DLC1: variants seen among roughly 807,000 people sequenced by gnomAD.
DLC1 encodes DLC1 Rho GTPase activating protein.
Under a neutral mutation model 140.3 loss-of-function variants are expected in DLC1, and 54 were observed. The observed-to-expected ratio is 0.38, with a 90% CI of 0.31 to 0.48. The LOEUF (loss-of-function observed/expected upper bound fraction) is 0.48. DLC1 is among the 20% of genes least tolerant of loss of function. DLC1 has a pLI of 0.96. For missense variants in DLC1, 2,536 were observed against 1,907.0 expected, an observed-to-expected ratio of 1.33 and a Z score of -6.14; for synonymous variants, 986 against 728.1, an observed-to-expected ratio of 1.35 and a Z score of -5.70.
rs560717996 is a variant in DLC1 at position 13,180,577 on chromosome 8, C to T, written c.1349-64920G>A. 2.8e-3 allele frequency among the ~76,000 whole-genome samples: 421 copies of T among 152,186 alleles called. 1 individual carries two copies. Among genetic ancestry groups the T allele is most frequent in the Non-Finnish European group, 4.7e-3 (318 of 68,010 alleles). ...AACACAATTTTGGCAATAACTTTCA[C>T]CGAGAAGCATCATGTTGAATTTAGG... On this transcript the variant is annotated intron_variant, in intron 5 of 17. Coordinates refer to ENST00000276297, the MANE Select transcript of DLC1 (RefSeq NM_182643.3).
intron 4 of DLC1, among the ~76,000 whole-genome samples, chr8:13,309,250 A>G (rs11204190): frequency 0.079 from 12,087 of 152,098 alleles, 881 homozygotes; most frequent in East Asian, 0.38. Context: ...TTTTTCTCTT[A>G]TTTCTCAATG....
At chr8:13,121,643 G>A (rs980373810) in intron 5 of DLC1, among the ~76,000 whole-genome samples, 3 of 151,996 alleles carry the variant, frequency 2.0e-5, no homozygotes, top group Non-Finnish European at 4.4e-5. Flanking sequence ...TGAACTCTTG[G>A]GCTCAAGAAA....
intron 5 of DLC1, among the ~76,000 whole-genome samples, chr8:13,130,416 C>T (rs1270345464): frequency 6.6e-6 from 1 of 152,158 alleles, no homozygotes; most frequent in African/African-American, 2.4e-5. Context: ...GGTATATTTT[C>T]CAGAAGCACC....
At chr8:13,369,893 T>G (rs934192260) in intron 4 of DLC1, among the ~76,000 whole-genome samples, 1 of 137,202 alleles carries the variant, frequency 7.3e-6, no homozygotes, top group Non-Finnish European at 1.5e-5. Flanking sequence ...AGAATAGAAG[T>G]CAAAGTCAGA....
intron 5 of DLC1, among the ~76,000 whole-genome samples, chr8:13,255,477 T>C (rs1830183635): frequency 6.6e-6 from 1 of 152,148 alleles, no homozygotes; most frequent in South Asian, 2.1e-4. Context: ...ATCCACTAAC[T>C]TAAGTACTCA....
rs148498422 is a variant in DLC1 at position 13,399,036 on chromosome 8, C to G, written c.1173+2434G>C. ...GAAGATCCAGGGAGACCAAAAGATA[C>G]TGCAGAACAGCAGGGGAGGCCCAAT... On this transcript the variant is annotated intron_variant, in intron 3 of 17. Coordinates refer to ENST00000276297, the MANE Select transcript of DLC1 (RefSeq NM_182643.3). Among the ~76,000 whole-genome samples the G allele has an allele frequency of 1.2e-3, 181 of 152,266 alleles. 1 individual carries two copies. Among genetic ancestry groups the G allele is most frequent in the African/African-American group, 4.2e-3 (176 of 41,552 alleles).
chr8:13,511,619 G>T (rs1802369530), intron 1 of DLC1, among the ~76,000 whole-genome samples: 1 of 152,112 alleles, frequency 6.6e-6, no homozygotes, highest in Non-Finnish European at 1.5e-5. Flanking sequence ...GTTTATGCAA[G>T]GGGCTTATCT....
At chr8:13,454,915 T>C (rs987764620) in intron 2 of DLC1, among the ~76,000 whole-genome samples, 2 of 152,012 alleles carry the variant, frequency 1.3e-5, no homozygotes, top group African/African-American at 4.8e-5. Context: ...GGTATATAGG[T>C]GGTAAAGATT....
chr8:13,438,966 C>CA (rs1470856692), intron 2 of DLC1, among the ~76,000 whole-genome samples: 1 of 152,122 alleles, frequency 6.6e-6, no homozygotes, highest in East Asian at 1.9e-4. Flanking sequence ...TGTTACGGTG[C>CA]AAAAACAGCC....
intron 5 of DLC1, among the ~76,000 whole-genome samples, chr8:13,270,554 T>C (rs1427238803): frequency 6.6e-6 from 1 of 152,190 alleles, no homozygotes; most frequent in African/African-American, 2.4e-5. Flanking sequence ...TATATCTAGC[T>C]TGACAAGCTC....
intron 5 of DLC1, among the ~76,000 whole-genome samples, chr8:13,225,098 G>A (rs548250952): frequency 6.6e-6 from 1 of 152,148 alleles, no homozygotes; most frequent in Non-Finnish European, 1.5e-5. Flanking sequence ...TGTTTGATAG[G>A]GCAGAAATGT....
intron 5 of DLC1, among the ~76,000 whole-genome samples, chr8:13,212,899 T>G (rs1047051924): frequency 2.0e-5 from 3 of 152,226 alleles, no homozygotes; most frequent in African/African-American, 7.2e-5. Context: ...ACTCTTTTCA[T>G]TTGATCTCAT....
intron 4 of DLC1, among the ~76,000 whole-genome samples, chr8:13,306,196 T>A (rs948119548): frequency 1.3e-5 from 2 of 152,200 alleles, no homozygotes; most frequent in African/African-American, 4.8e-5. Flanking sequence ...GTTAGTTGAC[T>A]GATGTGAAAG....
chr8:13,579,344 TATATATATATATATATA>T (rs1180792070), intron 1 of DLC1, among the ~76,000 whole-genome samples: 1 of 55,662 alleles, frequency 1.8e-5, no homozygotes, highest in Non-Finnish European at 2.9e-5. Context: ...TATATATATA[TATATATATATATATATA>T]TTTTTATATA....
At chr8:13,485,825 A>G (rs142766544) in intron 2 of DLC1, among the ~76,000 whole-genome samples, 1 of 152,342 alleles carries the variant, frequency 6.6e-6, no homozygotes, top group East Asian at 1.9e-4. Context: ...TTGCCCAGGA[A>G]AGGCTCATGC....
At chr8:13,274,817 AG>A (rs1831096036) in intron 5 of DLC1, among the ~76,000 whole-genome samples, 1 of 152,130 alleles carries the variant, frequency 6.6e-6, no homozygotes, top group Non-Finnish European at 1.5e-5. Flanking sequence ...TATTATTTAT[AG>A]AATCTTTTCA....
chr8:13,095,294 G>T (rs751379011), intron 10 of DLC1, 49 bp from the exon 11 acceptor site: 9 of 1,611,392 alleles, frequency 5.6e-6, no homozygotes, highest in Non-Finnish European at 7.6e-6. Context: ...ATGCTCACTT[G>T]TCTGTCTACA....
rs1804977493 is a variant in DLC1 at position 13,579,353 on chromosome 8, ATATATATATTTTTATAT to A, written c.-126+25167_-126+25183del. Reference sequence around the variant, plus strand: ...TATATATATATATATATATATATATATATATATATTTTTATATAATACATATTTATATATTATATATT... The same window carrying A: ...TATATATATATATATATATATATATAAATACATATTTATATATTATATATT... On this transcript the variant is annotated intron_variant, in intron 1 of 1. Coordinates refer to the DLC1 transcript ENST00000631382. Among the ~76,000 whole-genome samples, 5 of 28,776 alleles carry A rather than the reference ATATATATATTTTTATAT, an allele frequency of 1.7e-4. 1 individual carries two copies. The highest frequency in any genetic ancestry group is 8.4e-4 in the African/African-American group (5 of 5,926). 18.9% of individuals were successfully genotyped at this position (28,776 alleles called of 152,430 possible).
chr8:13,595,945 A>G (rs564220671), intron 1 of DLC1, among the ~76,000 whole-genome samples: 1 of 152,128 alleles, frequency 6.6e-6, no homozygotes, highest in African/African-American at 2.4e-5. Flanking sequence ...AGCAATCTAT[A>G]CAAAATAACA....
Sources: allele counts gnomAD v4.1 joint callset (sites outside exome capture counted in the v4.1 genomes callset), GRCh38; gene constraint gnomAD v4.1.1; transcripts MANE v1.5; gene names NCBI Gene and HGNC (gene_info 2026-07-23, HGNC 2026-07-21).